CNTNAP5: variants seen among roughly 807,000 people sequenced by gnomAD.
CNTNAP5 encodes contactin associated protein family member 5, also known as contactin-associated protein-like 5.
Under a neutral mutation model 150.2 loss-of-function variants are expected in CNTNAP5, and 72 were observed. The ratio of observed to expected loss-of-function variants is 0.48; its 90% CI spans 0.40 to 0.58. The LOEUF is 0.58. Among genes scored for constraint, CNTNAP5 ranks in the 20% least tolerant of loss-of-function variants. The pLI is 0.00. For synonymous variants in CNTNAP5, 672 were observed against 619.8 expected, an observed-to-expected ratio of 1.08 and a Z score of -1.25; for missense variants, 1,636 against 1,626.2, an observed-to-expected ratio of 1.01 and a Z score of -0.10.
At chr2:124,096,248 T>A (rs546158767) in intron 1 of CNTNAP5, among the ~76,000 whole-genome samples, 5 of 152,316 alleles carry the variant, frequency 3.3e-5, no homozygotes, top group Admixed American at 6.5e-5. Context: ...AATAACCTAC[T>A]CTATTAGCCT....
At chr2:124,365,785 C>T (rs1690356355) in intron 3 of CNTNAP5, among the ~76,000 whole-genome samples, 1 of 152,164 alleles carries the variant, frequency 6.6e-6, no homozygotes, top group Admixed American at 6.5e-5. Flanking sequence ...CTAAAAGACA[C>T]CCGTTTCATA....
intron 3 of CNTNAP5, among the ~76,000 whole-genome samples, chr2:124,257,025 A>G (rs1687330764): frequency 6.6e-6 from 1 of 152,160 alleles, no homozygotes; most frequent in Non-Finnish European, 1.5e-5. Context: ...AAAAAGGCAG[A>G]TACTAGAGCA....
chr2:124,515,547 A>T (rs1255527999), intron 8 of CNTNAP5, among the ~76,000 whole-genome samples: 1 of 42,136 alleles, frequency 2.4e-5, no homozygotes, highest in African/African-American at 8.9e-5. Context: ...TCAATCATTC[A>T]TCACGTTTTA....
chr2:124,905,126 G>GTTTTTTTTTGT (rs565996927), intron 22 of CNTNAP5, among the ~76,000 whole-genome samples: 5 of 126,988 alleles, frequency 3.9e-5, no homozygotes, highest in African/African-American at 1.4e-4. Flanking sequence ...GTTTTTTTTT[G>GTTTTTTTTTGT]TTTTTTTTTT....
At chr2:124,139,214 A>C (rs1684047355) in intron 1 of CNTNAP5, among the ~76,000 whole-genome samples, 1 of 151,778 alleles carries the variant, frequency 6.6e-6, no homozygotes. Flanking sequence ...TAACAAAATA[A>C]ATGGTGTAAA....
intron 3 of CNTNAP5, among the ~76,000 whole-genome samples, chr2:124,407,810 T>C (rs1054181669): frequency 6.6e-6 from 1 of 152,194 alleles, no homozygotes; most frequent in African/African-American, 2.4e-5. Flanking sequence ...AGGGAGGGGA[T>C]TGAAGACAAT....
At chr2:124,688,011 GAGAATCCT>G (rs1291057113) in intron 13 of CNTNAP5, among the ~76,000 whole-genome samples, 1 of 152,056 alleles carries the variant, frequency 6.6e-6, no homozygotes, top group Non-Finnish European at 1.5e-5. Flanking sequence ...AAAAGCAGGT[GAGAATCCT>G]AGGGTCACAC....
At chr2:124,168,061 A>G (rs1684847847) in intron 1 of CNTNAP5, among the ~76,000 whole-genome samples, 1 of 152,218 alleles carries the variant, frequency 6.6e-6, no homozygotes, top group South Asian at 2.1e-4. Context: ...AAGCCTCATG[A>G]AACTGTTGTG....
intron 3 of CNTNAP5, among the ~76,000 whole-genome samples, chr2:124,303,498 C>A (rs1688613738): frequency 6.6e-6 from 1 of 152,194 alleles, no homozygotes; most frequent in Non-Finnish European, 1.5e-5. Flanking sequence ...GAGCTCACAG[C>A]AACCAAGACA....
In CNTNAP5 at chr2:124,907,470, C is replaced by A. The variant is rs190962123; in HGVS notation, c.3656-3997C>A. ...ATATTATTATAGTATACAATAAATTCTATTCTATAAGAATAGATATATAGA... is the reference window on the plus strand; with the variant it reads ...ATATTATTATAGTATACAATAAATTATATTCTATAAGAATAGATATATAGA... On this transcript the variant is annotated intron_variant, in intron 22 of 23. Coordinates refer to ENST00000682447, the MANE Select transcript of CNTNAP5 (RefSeq NM_001367498.1). 5.4e-5 allele frequency among the ~76,000 whole-genome samples: 8 copies of A among 148,570 alleles called. 1 individual carries two copies. The South Asian group carries it at 1.3e-3, about 23-fold the overall frequency.
chr2:124,579,614 G>GT (rs1308837557), intron 11 of CNTNAP5, among the ~76,000 whole-genome samples: 1 of 152,146 alleles, frequency 6.6e-6, no homozygotes, highest in Non-Finnish European at 1.5e-5. Flanking sequence ...AGTCTCCCTG[G>GT]TGCACTGTAT....
chr2:124,524,536 T>G, intron 9 of CNTNAP5, 84 bp downstream of exon 9: 1 of 1,351,286 alleles, frequency 7.4e-7, no homozygotes, highest in Non-Finnish European at 1.0e-6. Context: ...TGGTTCTGGT[T>G]TGGTCAATTA....
chr2:124,345,247 A>C (rs1269191132), intron 3 of CNTNAP5, among the ~76,000 whole-genome samples: 3 of 152,190 alleles, frequency 2.0e-5, no homozygotes, highest in Non-Finnish European at 2.9e-5. Flanking sequence ...GTTGGAATGC[A>C]CTTTTCTTCT....
chr2:124,821,673 T>G (rs1480018143), intron 19 of CNTNAP5, among the ~76,000 whole-genome samples: 1 of 152,118 alleles, frequency 6.6e-6, no homozygotes, highest in African/African-American at 2.4e-5. Flanking sequence ...CTTTAACAGC[T>G]CCACTCGATC....
At chr2:124,647,239 A>G (rs549690320) in intron 12 of CNTNAP5, among the ~76,000 whole-genome samples, 47 of 152,350 alleles carry the variant, frequency 3.1e-4, no homozygotes, top group African/African-American at 1.1e-3. Context: ...AAACCCTACA[A>G]TTAACTTCAT....
chr2:124,487,323 C>G (rs1693908840), intron 7 of CNTNAP5, among the ~76,000 whole-genome samples: 1 of 152,098 alleles, frequency 6.6e-6, no homozygotes, highest in Non-Finnish European at 1.5e-5. Flanking sequence ...ACTAGGTCTT[C>G]AAGAATGTGA....
At chr2:124,895,257 C>T (rs1170359782) in intron 21 of CNTNAP5, among the ~76,000 whole-genome samples, 1 of 151,464 alleles carries the variant, frequency 6.6e-6, no homozygotes, top group Non-Finnish European at 1.5e-5. Context: ...TGTGAAGTGC[C>T]AGACCTTATG....
chr2:124,813,023 C>T (rs1682271461), intron 19 of CNTNAP5, among the ~76,000 whole-genome samples: 1 of 152,048 alleles, frequency 6.6e-6, no homozygotes, highest in African/African-American at 2.4e-5. Context: ...CCTGAGCCTA[C>T]CCTTTAAATG....
intron 13 of CNTNAP5, among the ~76,000 whole-genome samples, chr2:124,655,463 A>G (rs1234944565): frequency 6.6e-6 from 1 of 152,016 alleles, no homozygotes; most frequent in Non-Finnish European, 1.5e-5. Context: ...GTACGTGTGC[A>G]TGTGTCTTTA....
Sources: allele counts gnomAD v4.1 joint callset (sites outside exome capture counted in the v4.1 genomes callset), GRCh38; gene constraint gnomAD v4.1.1; transcripts MANE v1.5; gene names NCBI Gene and HGNC (gene_info 2026-07-23, HGNC 2026-07-21).